SLC9A9: variants seen among roughly 807,000 people sequenced by gnomAD.
The protein encoded by SLC9A9 is solute carrier family 9 member A9, also known as sodium/hydrogen exchanger 9.
Under a neutral mutation model 77.8 loss-of-function variants are expected in SLC9A9, and 62 were observed. The observed-to-expected ratio is 0.80, with a 90% confidence interval of 0.65 to 0.98. The LOEUF (loss-of-function observed/expected upper bound fraction) is 0.98. Ranked by LOEUF, SLC9A9 falls within the 50% of genes least tolerant of loss-of-function variation. The pLI, the probability that SLC9A9 is intolerant of heterozygous loss-of-function variation, is 0.00. For missense variants in SLC9A9, 775 were observed against 774.9 expected, an observed-to-expected ratio of 1.00 and a Z score of 0.00; for synonymous variants, 320 against 283.5, an observed-to-expected ratio of 1.13 and a Z score of -1.29.
At position 143,467,217 on chromosome 3, in the gene SLC9A9, T is replaced by TA. The variant is rs761153636; in HGVS notation, c.1316-28dup. ...TTGCAGGAAAAACCAAAGGAGAAAATAAATGCCTTGCAGGTGTCTTTTTCA... is the reference window on the plus strand; with the variant it reads ...TTGCAGGAAAAACCAAAGGAGAAAATAAAATGCCTTGCAGGTGTCTTTTTCA... On this transcript the variant is annotated intron_variant, in intron 11 of 15. Transcript: ENST00000316549. 4 of 1,614,002 alleles carry TA rather than the reference T, an allele frequency of 2.5e-6. No homozygotes were observed. In the South Asian group the frequency reaches 3.3e-5, roughly 13 times the overall value.
In SLC9A9 at chr3:143,313,864, C is replaced by T. The variant is rs73144706; in HGVS notation, c.1605-44884G>A. On this transcript the variant is annotated intron_variant, in intron 14 of 15. Coordinates refer to ENST00000316549, the MANE Select transcript of SLC9A9 (RefSeq NM_173653.4). Reference sequence around the variant, plus strand: ...TGGAAGCACAGAGCAGGGAGGCTGACGGGGAGTATATTTCACCTCAATTTC... The same window carrying T: ...TGGAAGCACAGAGCAGGGAGGCTGATGGGGAGTATATTTCACCTCAATTTC... Among the ~76,000 whole-genome samples the T allele has an allele frequency of 9.8e-3, 1,488 of 152,282 alleles. 11 individuals carry two copies. Among genetic ancestry groups the T allele is most frequent in the Non-Finnish European group, 0.016 (1,082 of 68,022 alleles).
intron 11 of SLC9A9, among the ~76,000 whole-genome samples, chr3:143,475,020 A>G (rs1424713123): frequency 6.7e-6 from 1 of 148,480 alleles, no homozygotes; most frequent in East Asian, 2.0e-4. Context: ...GTGCAGTGGC[A>G]CGATCTCAGC....
At chr3:143,705,544 T>C (rs999220904) in intron 4 of SLC9A9, among the ~76,000 whole-genome samples, 2 of 152,186 alleles carry the variant, frequency 1.3e-5, no homozygotes, top group African/African-American at 4.8e-5. Context: ...CATGCCTGTA[T>C]CAGTGAATCA....
At position 143,547,126 on chromosome 3, in the gene SLC9A9, C is replaced by T. The variant is rs141081762; in HGVS notation, c.1089+5236G>A. Among the ~76,000 whole-genome samples, 540 of 152,258 alleles carry T rather than the reference C, an allele frequency of 3.5e-3. 1 individual carries two copies. Among genetic ancestry groups the T allele is most frequent in the African/African-American group, 0.012 (509 of 41,540 alleles). On this transcript the variant is annotated intron_variant, in intron 9 of 15. Coordinates refer to ENST00000316549, the MANE Select transcript of SLC9A9 (RefSeq NM_173653.4). The stretch of plus-strand genomic sequence containing the variant: ...CTTTTCTTTTCCCTAATGTTTATTA[C>T]CTTTCAGGCTCATTTGCTGATTTTG...
At chr3:143,556,539 G>A (rs2036986653) in intron 8 of SLC9A9, among the ~76,000 whole-genome samples, 1 of 152,216 alleles carries the variant, frequency 6.6e-6, no homozygotes, top group Admixed American at 6.5e-5. Flanking sequence ...GCCAGGCAGT[G>A]TCCTTAGAAT....
rs67376157 is a variant in SLC9A9 at position 143,373,605 on chromosome 3, T to TAAA, written c.1524+8452_1524+8454dup. 3.8e-3 allele frequency among the ~76,000 whole-genome samples: 225 copies of TAAA among 58,538 alleles called. 3 individuals carry two copies. Among genetic ancestry groups the TAAA allele is most frequent in the African/African-American group, 8.0e-3 (109 of 13,632 alleles). 38.4% of individuals were successfully genotyped at this position (58,538 alleles called of 152,430 possible). On this transcript the variant is annotated intron_variant, in intron 13 of 15. Coordinates refer to ENST00000316549, the MANE Select transcript of SLC9A9 (RefSeq NM_173653.4). ...TGTATCCCCAAAGCCACTGAAATAGTAAAAAAAAAAAAAAAAAAAAAAAAT... is the reference window on the plus strand; with the variant it reads ...TGTATCCCCAAAGCCACTGAAATAGTAAAAAAAAAAAAAAAAAAAAAAAAAAAT...
chr3:143,442,428 T>G (rs2034759128), intron 12 of SLC9A9, among the ~76,000 whole-genome samples: 1 of 152,226 alleles, frequency 6.6e-6, no homozygotes, highest in African/African-American at 2.4e-5. Context: ...ATTCTAACTT[T>G]AAACTCACAT....
intron 14 of SLC9A9, among the ~76,000 whole-genome samples, chr3:143,327,695 T>A (rs1256392501): frequency 6.6e-6 from 1 of 152,210 alleles, no homozygotes; most frequent in Non-Finnish European, 1.5e-5. Context: ...TTGTTCTTAT[T>A]CTACATGCTT....
intron 5 of SLC9A9, among the ~76,000 whole-genome samples, chr3:143,663,579 G>A (rs1576643010): frequency 1.3e-5 from 2 of 152,220 alleles, no homozygotes; most frequent in Admixed American, 6.5e-5. Flanking sequence ...AAAAAGATTA[G>A]ATGAATGGCT....
At chr3:143,367,003 T>C (rs944696754) in intron 13 of SLC9A9, among the ~76,000 whole-genome samples, 4 of 152,210 alleles carry the variant, frequency 2.6e-5, no homozygotes, top group African/African-American at 4.8e-5. Flanking sequence ...ATAGAAACTT[T>C]AGTGTTTTAG....
intron 6 of SLC9A9, among the ~76,000 whole-genome samples, chr3:143,619,689 T>G (rs1373882219): frequency 6.6e-6 from 1 of 152,186 alleles, no homozygotes; most frequent in Non-Finnish European, 1.5e-5. Context: ...TCTCCACTCT[T>G]TTCCAGCTGA....
intron 4 of SLC9A9, among the ~76,000 whole-genome samples, chr3:143,791,301 T>G (rs546412239): frequency 5.8e-4 from 88 of 152,352 alleles, no homozygotes; most frequent in African/African-American, 2.0e-3. Context: ...ACGGTTTACA[T>G]CTAATTTCTG....
intron 12 of SLC9A9, among the ~76,000 whole-genome samples, chr3:143,400,166 T>C (rs1010460120): frequency 5.8e-4 from 88 of 152,188 alleles, no homozygotes; most frequent in African/African-American, 2.0e-3. Flanking sequence ...CACAAAATAA[T>C]AAAAATCCAG....
chr3:143,384,104 TTTGA>T (rs2033365247), intron 12 of SLC9A9, among the ~76,000 whole-genome samples: 1 of 151,952 alleles, frequency 6.6e-6, no homozygotes, highest in Non-Finnish European at 1.5e-5. Flanking sequence ...AAACTAGCTA[TTTGA>T]TTGATGTCAT....
chr3:143,570,500 G>C (rs1453595572), intron 8 of SLC9A9, among the ~76,000 whole-genome samples: 1 of 152,000 alleles, frequency 6.6e-6, no homozygotes, highest in Non-Finnish European at 1.5e-5. Flanking sequence ...TTTTCAGGCA[G>C]TTACATAAAT....
chr3:143,439,503 G>A (rs2034686621), intron 12 of SLC9A9, among the ~76,000 whole-genome samples: 1 of 152,140 alleles, frequency 6.6e-6, no homozygotes, highest in Admixed American at 6.6e-5. Flanking sequence ...TAGAAGGCAG[G>A]GTAAGAAGAA....
chr3:143,517,580 G>A, intron 9 of SLC9A9: 1 of 1,597,550 alleles, frequency 6.3e-7, no homozygotes, highest in Non-Finnish European at 8.5e-7. Context: ...CATTGCACTA[G>A]CATCTTCATC....
At position 143,778,037 on chromosome 3, in the gene SLC9A9, C is replaced by CAAAAAAAAAAAAAAAAAAAA. The variant is rs748982877; in HGVS notation, c.533+16963_533+16964insTTTTTTTTTTTTTTTTTTTT. On this transcript the variant is annotated intron_variant, in intron 4 of 15. Coordinates refer to ENST00000316549, the MANE Select transcript of SLC9A9 (RefSeq NM_173653.4). ...CCGTCACTGATACTTTTATAAAATG[C>CAAAAAAAAAAAAAAAAAAAA]AAAAAAAAAAAAAAAGATGCTGAAT... 1.5e-4 allele frequency among the ~76,000 whole-genome samples: 11 copies of CAAAAAAAAAAAAAAAAAAAA among 75,558 alleles called. 1 individual carries two copies. The highest frequency in any genetic ancestry group is 5.6e-4 in the East Asian group (1 of 1,780). The allele number at this position is 75,558 out of a possible 152,430, so 49.6% of individuals were successfully genotyped here. A position where few individuals can be genotyped will look rare whatever the true frequency, so the allele number is the denominator to read the frequency against.
At chr3:143,683,830 T>C (rs1933178257) in intron 5 of SLC9A9, among the ~76,000 whole-genome samples, 1 of 152,066 alleles carries the variant, frequency 6.6e-6, no homozygotes. Context: ...AACTCACAAA[T>C]GAATATAGTT....
Sources: allele counts gnomAD v4.1 joint callset (sites outside exome capture counted in the v4.1 genomes callset), GRCh38; gene constraint gnomAD v4.1.1; transcripts MANE v1.5; gene names NCBI Gene and HGNC (gene_info 2026-07-23, HGNC 2026-07-21).